MRPL1: variants seen among roughly 807,000 people sequenced by gnomAD.
The protein encoded by MRPL1 is large ribosomal subunit protein uL1m.
Under a neutral mutation model 38.0 loss-of-function variants are expected in MRPL1, and 28 were observed. The observed-to-expected ratio is 0.74, with a 90% CI of 0.55 to 1.01. MRPL1 has a LOEUF of 1.01. MRPL1 is among the 50% of genes least tolerant of loss of function. The pLI is 0.00. For synonymous variants in MRPL1, 123 were observed against 126.7 expected (o/e 0.97, Z 0.20); for missense variants, 358 against 389.8 (o/e 0.92, Z 0.69).
intron 1 of MRPL1, 200 bp downstream of exon 1, chr4:77,863,079 T>A: frequency 1.6e-6 from 1 of 627,544 alleles, no homozygotes; most frequent in Non-Finnish European, 2.7e-6. Context: ...ACGTCCACCC[T>A]GAGGGAGGGA....
At chr4:77,914,104 G>C (rs1348379349) in intron 7 of MRPL1, among the ~76,000 whole-genome samples, 3 of 152,132 alleles carry the variant, frequency 2.0e-5, no homozygotes, top group African/African-American at 7.2e-5. Context: ...TAAGAATGTG[G>C]AGGATATCCA....
At chr4:77,864,030 T>A (rs1578034119) in intron 1 of MRPL1, among the ~76,000 whole-genome samples, 1 of 151,610 alleles carries the variant, frequency 6.6e-6, no homozygotes, top group African/African-American at 2.4e-5. Context: ...GAGTTTCTTT[T>A]TAGGAAAACT....
In MRPL1 at chr4:77,878,793, C is replaced by T. The variant is rs186266371; in HGVS notation, c.144-4449C>T. ...ACTCGGGAGGCTGAGGCAGGAGAAC[C>T]GCTTGAACCTGGGAGGCGGACGTTG... On this transcript the variant is annotated intron_variant, in intron 2 of 8. Transcript: ENST00000315567. 1.2e-4 allele frequency among the ~76,000 whole-genome samples: 18 copies of T among 152,170 alleles called. No individual in the cohort carries two copies. In the East Asian group the frequency reaches 2.9e-3, roughly 25 times the overall value.
At chr4:77,921,735 C>G (rs1041578542) in intron 7 of MRPL1, among the ~76,000 whole-genome samples, 1 of 151,070 alleles carries the variant, frequency 6.6e-6, no homozygotes, top group Non-Finnish European at 1.5e-5. Flanking sequence ...GCAATCTTAA[C>G]TTGCTTTTAT....
Position 77,871,748 on chromosome 4 carries a change from G to C in MRPL1, c.36G>C (p.Leu12Phe), listed in dbSNP as rs1402517574. Reference sequence around the variant, plus strand: ...TTACATGTTTTTCCTTTCAAGCCTTGATACATCATCAAAGGCATAGCCTTT... The same window carrying C: ...TTACATGTTTTTCCTTTCAAGCCTTCATACATCATCAAAGGCATAGCCTTT... ...AAAVRCMGRA[L>F]IHHQRHSLSK... Residue 12 changes from leucine (L) to phenylalanine (F), a missense_variant, in exon 2 of 9, where the codon TTG (leucine) becomes TTC (phenylalanine). Physicochemically the swap from Leu to Phe is conservative, Grantham distance 22 (BLOSUM62 0). Transcript: ENST00000315567. The C allele has an allele frequency of 6.6e-7, 1 of 1,504,576 alleles. No individual in the cohort carries two copies. The highest frequency in any genetic ancestry group is 2.2e-5 in the Admixed American group (1 of 44,522). 93.2% of individuals were successfully genotyped at this position (1,504,576 alleles called of 1,614,324 possible). A position where few individuals can be genotyped will look rare whatever the true frequency, so the allele number is the denominator to read the frequency against.
At chr4:77,886,892 A>G (rs1313877663) in intron 4 of MRPL1, among the ~76,000 whole-genome samples, 1 of 142,382 alleles carries the variant, frequency 7.0e-6, no homozygotes, top group African/African-American at 2.6e-5. Flanking sequence ...TCCTGGGTTC[A>G]AGGATTCTTC....
chr4:77,871,810 C>T lies in MRPL1; in HGVS notation c.98C>T (p.Ser33Phe), dbSNP rs1353986601. 3.1e-6 allele frequency: 5 copies of T among 1,603,912 alleles called. No homozygotes were observed. Among genetic ancestry groups the T allele is most frequent in the Non-Finnish European group, 4.2e-6 (5 of 1,177,078 alleles). Residue 33 changes from serine to phenylalanine, a missense_variant, in exon 2 of 9, where the codon TCT becomes TTT. By Grantham distance (155) the Ser-to-Phe change is radical. Coordinates refer to ENST00000315567, the MANE Select transcript of MRPL1 (RefSeq NM_020236.4). ...TATCAGACATCACTTTGTTCTTGTT[C>T]TGTAAACATCCGAGTGCCCAACAGA... ...MVYQTSLCSC[S>F]VNIRVPNRHF... is the part of the protein sequence containing the mutation.
chr4:77,884,567 T>C (rs1253856566), intron 3 of MRPL1, among the ~76,000 whole-genome samples: 3 of 152,236 alleles, frequency 2.0e-5, no homozygotes, highest in African/African-American at 4.8e-5. Context: ...CATTGTTTAT[T>C]TAGGATTTTC....
rs180808384 is a variant in MRPL1, at chr4:77,882,726, C to T, written c.144-516C>T. Among the ~76,000 whole-genome samples, 32 of 152,286 alleles carry T rather than the reference C, an allele frequency of 2.1e-4. No homozygotes were observed. In the East Asian group the frequency reaches 6.2e-3, roughly 29 times the overall value. ...ACATACCACATTTTATGTATCCATT[C>T]ATCAGTTGATAGACATTTGGGTTGT... On this transcript the variant is annotated intron_variant, in intron 2 of 8. Transcript: ENST00000315567.
chr4:77,889,455 C>T (rs1337391126), intron 5 of MRPL1, among the ~76,000 whole-genome samples: 1 of 152,070 alleles, frequency 6.6e-6, no homozygotes, highest in Admixed American at 6.6e-5. Context: ...CACAACATAC[C>T]AGAATCTCTG....
intron 1 of MRPL1, chr4:77,864,542 T>G (rs1187670119): frequency 1.3e-5 from 2 of 152,200 alleles, no homozygotes. Context: ...GTGACAAACT[T>G]TTAGGTAATT....
chr4:77,938,980 T>C (rs1398268340), intron 7 of MRPL1, among the ~76,000 whole-genome samples: 1 of 152,180 alleles, frequency 6.6e-6, no homozygotes, highest in African/African-American at 2.4e-5. Flanking sequence ...GAGTAAGTTC[T>C]TTAGTGGTGA....
At chr4:77,943,175 AT>A (rs952343728) in intron 7 of MRPL1, among the ~76,000 whole-genome samples, 2 of 149,500 alleles carry the variant, frequency 1.3e-5, no homozygotes, top group East Asian at 2.0e-4. Context: ...TTGGCCAATA[AT>A]TTTTTTTTTA....
At position 77,952,702 on chromosome 4, in the gene MRPL1, A is replaced by C; in HGVS notation, c.*95A>C. 1.3e-6 allele frequency: 1 copy of C among 746,550 alleles called. No homozygotes were observed. Among genetic ancestry groups the C allele is most frequent in the Non-Finnish European group, 2.2e-6 (1 of 455,176 alleles). 46.2% of individuals were successfully genotyped at this position (746,550 alleles called of 1,614,324 possible). A position where few individuals can be genotyped will look rare whatever the true frequency, so the allele number is the denominator to read the frequency against. On this transcript the variant is annotated 3_prime_UTR_variant, in exon 9 of 9. Coordinates refer to ENST00000315567, the MANE Select transcript of MRPL1 (RefSeq NM_020236.4). Reference sequence around the variant, plus strand: ...TTTTACATTTGATGTCTTGTTATTGATCATACTTGAAAGTGAACTTTAACA... The same window carrying C: ...TTTTACATTTGATGTCTTGTTATTGCTCATACTTGAAAGTGAACTTTAACA...
chr4:77,871,623 A>C (rs1735283775), intron 1 of MRPL1, 121 bp from the exon 2 acceptor site: 1 of 550,796 alleles, frequency 1.8e-6, no homozygotes, highest in Admixed American at 3.9e-5. Context: ...CTTTTAAAAG[A>C]AGGATTAAAA....
chr4:77,936,619 C>G (rs888482312), intron 7 of MRPL1, among the ~76,000 whole-genome samples: 1 of 152,100 alleles, frequency 6.6e-6, no homozygotes, highest in Non-Finnish European at 1.5e-5. Context: ...TTCTTTTGCA[C>G]CAGAACAGCA....
intron 1 of MRPL1, among the ~76,000 whole-genome samples, chr4:77,870,602 A>C (rs773972129): frequency 1.3e-5 from 2 of 152,334 alleles, no homozygotes; most frequent in African/African-American, 2.4e-5. Flanking sequence ...TAGTGATTAG[A>C]GTATGCTACC....
intron 6 of MRPL1, among the ~76,000 whole-genome samples, chr4:77,904,955 A>G (rs1396735842): frequency 6.6e-6 from 1 of 152,220 alleles, no homozygotes; most frequent in African/African-American, 2.4e-5. Context: ...TTCTTAGGAC[A>G]CAAAAAGCAT....
At chr4:77,892,345 C>A (rs569674002) in intron 5 of MRPL1, among the ~76,000 whole-genome samples, 42 of 152,186 alleles carry the variant, frequency 2.8e-4, no homozygotes, top group Admixed American at 8.5e-4. Context: ...GTTGGCCAGG[C>A]TGGTCTTGAA....
Sources: gnomAD v4.1 joint callset for allele counts (sites outside exome capture counted in the v4.1 genomes callset) on GRCh38, gnomAD v4.1.1 for gene constraint, MANE v1.5 for transcripts, NCBI Gene and HGNC (gene_info 2026-07-23, HGNC 2026-07-21) for gene names.